MACROD2: variants seen among roughly 807,000 people sequenced by gnomAD.
The protein encoded by MACROD2 is ADP-ribose glycohydrolase MACROD2.
A neutral mutation model predicts 70.4 loss-of-function variants in MACROD2; 36 were observed. That is an observed-to-expected ratio of 0.51 (90% CI 0.39 to 0.68). MACROD2 has a LOEUF of 0.68. Ranked by LOEUF, MACROD2 falls within the 30% of genes least tolerant of loss-of-function variation. MACROD2 has a pLI of 0.00. For missense variants in MACROD2, 496 were observed against 538.4 expected (o/e 0.92, Z 0.78); for synonymous variants, 172 against 178.8 (o/e 0.96, Z 0.30).
intron 3 of MACROD2, among the ~76,000 whole-genome samples, chr20:14,266,181 C>T (rs2423781): frequency 0.014 from 2,094 of 152,244 alleles, 59 homozygotes; most frequent in African/African-American, 0.048. Context: ...ATATAATACA[C>T]ATTCTCTAGG....
At chr20:14,530,893 A>G (rs2085295062) in intron 4 of MACROD2, among the ~76,000 whole-genome samples, 1 of 152,258 alleles carries the variant, frequency 6.6e-6, no homozygotes, top group South Asian at 2.1e-4. Context: ...ATCACATTCT[A>G]GAGACATAAA....
intron 5 of MACROD2, among the ~76,000 whole-genome samples, chr20:15,020,867 G>A (rs1029956632): frequency 1.3e-5 from 2 of 151,578 alleles, no homozygotes; most frequent in African/African-American, 4.8e-5. Context: ...GTGGTGTAAT[G>A]TGGCGCATGA....
intron 3 of MACROD2, among the ~76,000 whole-genome samples, chr20:14,434,699 A>T (rs1021303374): frequency 6.6e-6 from 1 of 152,030 alleles, no homozygotes; most frequent in African/African-American, 2.4e-5. Context: ...TCCTTTTTTC[A>T]AAATAACTCT....
intron 3 of MACROD2, chr20:14,127,560 G>C: frequency 2.1e-6 from 1 of 474,170 alleles, no homozygotes; most frequent in South Asian, 3.2e-5. Context: ...AATTTTGAGG[G>C]AAGAGAAGAA....
At chr20:14,178,726 CTTTTTTTTTTTTT>C (rs79773305) in intron 3 of MACROD2, among the ~76,000 whole-genome samples, 4 of 102,986 alleles carry the variant, frequency 3.9e-5, no homozygotes, top group African/African-American at 1.5e-4. Flanking sequence ...GCCAAGTCAG[CTTTTTTTTTTTTT>C]TTTTTTTTTT....
intron 5 of MACROD2, among the ~76,000 whole-genome samples, chr20:14,828,386 C>A (rs1018356480): frequency 6.6e-6 from 1 of 152,108 alleles, no homozygotes; most frequent in Non-Finnish European, 1.5e-5. Flanking sequence ...CAGAATAACA[C>A]CTATGTAAGA....
intron 5 of MACROD2, among the ~76,000 whole-genome samples, chr20:14,767,527 C>T (rs2072106971): frequency 6.6e-6 from 1 of 151,964 alleles, no homozygotes; most frequent in Non-Finnish European, 1.5e-5. Flanking sequence ...GGGTTTGACT[C>T]AGATTCCACC....
chr20:15,021,474 CTA>C (rs940572514), intron 5 of MACROD2: 37 of 149,474 alleles, frequency 2.5e-4, no homozygotes, highest in African/African-American at 8.8e-4. Context: ...ATATAGGAGA[CTA>C]TATATATGCA....
intron 4 of MACROD2, among the ~76,000 whole-genome samples, chr20:14,672,606 C>A (rs1255362693): frequency 2.0e-5 from 3 of 152,166 alleles, no homozygotes; most frequent in Non-Finnish European, 2.9e-5. Context: ...TATTCAGGCA[C>A]TGTATGAGCT....
chr20:15,998,298 A>G (rs542536400), intron 15 of MACROD2, among the ~76,000 whole-genome samples: 45 of 152,306 alleles, frequency 3.0e-4, no homozygotes, highest in African/African-American at 1.1e-3. Flanking sequence ...CCAATGAAGT[A>G]ATCTGGTTGT....
intron 6 of MACROD2, among the ~76,000 whole-genome samples, chr20:15,427,034 CTCTG>C (rs1237227739): frequency 6.8e-6 from 1 of 146,586 alleles, no homozygotes; most frequent in African/African-American, 2.6e-5. Context: ...GTCTCTCTCT[CTCTG>C]AGTAATAAAA....
intron 5 of MACROD2, among the ~76,000 whole-genome samples, chr20:15,148,994 A>G (rs2076250101): frequency 6.6e-6 from 1 of 152,030 alleles, no homozygotes; most frequent in Non-Finnish European, 1.5e-5. Context: ...TACGTCTGAC[A>G]GAAGGGAAGA....
At chr20:14,381,243 CTA>C (rs1162976870) in intron 3 of MACROD2, among the ~76,000 whole-genome samples, 1 of 152,124 alleles carries the variant, frequency 6.6e-6, no homozygotes, top group Non-Finnish European at 1.5e-5. Context: ...TTTGAATAGA[CTA>C]AGCTATCTGA....
At chr20:14,006,473 G>T (rs1471634605) in intron 2 of MACROD2, among the ~76,000 whole-genome samples, 2 of 152,060 alleles carry the variant, frequency 1.3e-5, no homozygotes, top group African/African-American at 2.4e-5. Context: ...ATCTCTAAAA[G>T]ATGGCATATT....
At chr20:14,566,425 G>C (rs1979810020) in intron 4 of MACROD2, 1 of 151,774 alleles carries the variant, frequency 6.6e-6, no homozygotes, top group Non-Finnish European at 1.5e-5. Context: ...CAGCATAACA[G>C]GTCCCCACCT....
At chr20:15,847,682 T>A (rs1170316274) in intron 8 of MACROD2, among the ~76,000 whole-genome samples, 1 of 152,214 alleles carries the variant, frequency 6.6e-6, no homozygotes, top group Non-Finnish European at 1.5e-5. Flanking sequence ...TTGGCTGTTT[T>A]CAGAAAGCCA....
chr20:15,931,940 C>G (rs573073434), intron 10 of MACROD2, among the ~76,000 whole-genome samples: 1 of 152,244 alleles, frequency 6.6e-6, no homozygotes, highest in Non-Finnish European at 1.5e-5. Context: ...GTGGCCTCCT[C>G]TTGGGAGGAT....
chr20:13,999,473 A>C (rs1373486755), intron 1 of MACROD2, among the ~76,000 whole-genome samples: 2 of 152,222 alleles, frequency 1.3e-5, no homozygotes, highest in Non-Finnish European at 2.9e-5. Context: ...TTAGTAGCTT[A>C]CATGGATTAT....
intron 2 of MACROD2, among the ~76,000 whole-genome samples, chr20:14,060,104 A>G (rs189334046): frequency 5.8e-4 from 88 of 152,338 alleles, no homozygotes; most frequent in African/African-American, 2.0e-3. Context: ...TTCAATTACT[A>G]TAGCAAAAGA....
Sources: allele counts gnomAD v4.1 joint callset (sites outside exome capture counted in the v4.1 genomes callset), GRCh38; gene constraint gnomAD v4.1.1; transcripts MANE v1.5; gene names NCBI Gene and HGNC (gene_info 2026-07-23, HGNC 2026-07-21).